The following NRXN1 variants were observed in gnomAD, a reference collection of about 807,000 sequenced individuals.
NRXN1 encodes neurexin 1.
A neutral mutation model predicts 150.9 loss-of-function variants in NRXN1; 39 were observed. The observed-to-expected ratio is 0.26, with a 90% confidence interval of 0.20 to 0.34. The LOEUF is 0.34. NRXN1 is among the 10% of genes least tolerant of loss of function. NRXN1 has a pLI of 1.00. For synonymous variants in NRXN1, 924 were observed against 757.0 expected (o/e 1.22, Z -3.62); for missense variants, 1,815 against 1,949.9 (o/e 0.93, Z 1.30).
chr2:50,708,534 T>G (rs1014351616), intron 5 of NRXN1, among the ~76,000 whole-genome samples: 1 of 152,134 alleles, frequency 6.6e-6, no homozygotes, highest in African/African-American at 2.4e-5. Flanking sequence ...AAAGGCAAGC[T>G]GCACAGTTTA....
chr2:50,143,583 C>T (rs929901412), intron 18 of NRXN1, among the ~76,000 whole-genome samples: 6 of 152,012 alleles, frequency 3.9e-5, no homozygotes, highest in South Asian at 2.1e-4. Context: ...AAATGTTCTA[C>T]AGCCAGATTA....
rs186353522 is a variant in NRXN1, at chr2:50,517,020, G to C, written c.2375-10403C>G. Reference sequence around the variant, plus strand: ...ATTTATTTTTTGACCCACACAGACTGTTGAGTTTTATCCTGGTTCTACAAG... The same window carrying C: ...ATTTATTTTTTGACCCACACAGACTCTTGAGTTTTATCCTGGTTCTACAAG... On this transcript the variant is annotated intron_variant, in intron 12 of 22. Coordinates refer to ENST00000401669, the MANE Select transcript of NRXN1 (RefSeq NM_001330078.2). 4.7e-4 allele frequency among the ~76,000 whole-genome samples: 72 copies of C among 152,282 alleles called. 1 individual carries two copies. The highest frequency in any genetic ancestry group is 1.6e-3 in the African/African-American group (65 of 41,572).
At chr2:50,966,191 A>G (rs1368979106) in intron 2 of NRXN1, among the ~76,000 whole-genome samples, 1 of 151,672 alleles carries the variant, frequency 6.6e-6, no homozygotes, top group Non-Finnish European at 1.5e-5. Context: ...TTATCTCTAA[A>G]GTACTTAGTA....
intron 5 of NRXN1, among the ~76,000 whole-genome samples, chr2:50,864,013 A>T (rs189839904): frequency 4.4e-4 from 67 of 152,104 alleles, no homozygotes; most frequent in Non-Finnish European, 2.2e-4. Context: ...GATAAGTCTT[A>T]ATGGTGTGTA....
At chr2:50,089,595 T>C (rs1028525943) in intron 19 of NRXN1, among the ~76,000 whole-genome samples, 65 of 152,206 alleles carry the variant, frequency 4.3e-4, no homozygotes, top group African/African-American at 1.5e-3. Flanking sequence ...AAGACCAGCC[T>C]GAGCAACATA....
chr2:50,258,676 T>C (rs1397114002), intron 17 of NRXN1, among the ~76,000 whole-genome samples: 1 of 151,908 alleles, frequency 6.6e-6, no homozygotes, highest in East Asian at 1.9e-4. Flanking sequence ...TTCCAGAAGG[T>C]TTTCAATGTA....
chr2:50,466,527 AT>A (rs1558780711), intron 16 of NRXN1: 1 of 461,102 alleles, frequency 2.2e-6, no homozygotes, highest in Non-Finnish European at 4.4e-6. Flanking sequence ...AATATATTAA[AT>A]GTTAGTAAGC....
intron 5 of NRXN1, among the ~76,000 whole-genome samples, chr2:50,790,681 G>A (rs1705814498): frequency 6.6e-6 from 1 of 152,162 alleles, no homozygotes. Context: ...AAATTCTTGG[G>A]ATAAGAAGTG....
At chr2:50,891,722 G>C (rs1035416472) in intron 5 of NRXN1, among the ~76,000 whole-genome samples, 3 of 152,040 alleles carry the variant, frequency 2.0e-5, no homozygotes, top group South Asian at 4.1e-4. Flanking sequence ...CTCAGATGAT[G>C]ATACAGTTTC....
intron 5 of NRXN1, among the ~76,000 whole-genome samples, chr2:50,807,480 C>A (rs1455086096): frequency 6.6e-6 from 1 of 152,136 alleles, no homozygotes; most frequent in Non-Finnish European, 1.5e-5. Flanking sequence ...AATCACTGGA[C>A]TGAATAATTT....
At position 50,220,223 on chromosome 2, in the gene NRXN1, T is replaced by C. The variant is rs1574566662; in HGVS notation, c.3546+16566A>G. 2.6e-5 allele frequency among the ~76,000 whole-genome samples: 4 copies of C among 151,088 alleles called. No homozygotes were observed. The South Asian group carries it at 6.3e-4, about 24-fold the overall frequency. ...TGAGGGAAACATATTATTTTCACTA[T>C]ACTGTGATGGAAGGAAATTAATTCT... On this transcript the variant is annotated intron_variant, in intron 18 of 22. Coordinates refer to ENST00000401669, the MANE Select transcript of NRXN1 (RefSeq NM_001330078.2).
chr2:50,173,581 G>A (rs77915829), intron 18 of NRXN1, among the ~76,000 whole-genome samples: 25,857 of 152,020 alleles, frequency 0.17, 2,684 homozygotes, highest in East Asian at 0.4. Context: ...ATAATTATTT[G>A]CCATGCCAAT....
Position 50,720,525 on chromosome 2 carries a change from T to C in NRXN1, c.833-96910A>G, listed in dbSNP as rs529437261. 6.6e-5 allele frequency among the ~76,000 whole-genome samples: 10 copies of C among 152,344 alleles called. No individual in the cohort carries two copies. The East Asian group carries it at 1.9e-3, about 29-fold the overall frequency. ...TATGGTAGCTAGGAAAAAAATGCAG[T>C]GCCTGAAACAGGTATTTGCATTCCT... On this transcript the variant is annotated intron_variant, in intron 5 of 22. Coordinates refer to ENST00000401669, the MANE Select transcript of NRXN1 (RefSeq NM_001330078.2).
intron 18 of NRXN1, among the ~76,000 whole-genome samples, chr2:50,157,990 A>C (rs1381260661): frequency 6.6e-6 from 1 of 151,106 alleles, no homozygotes; most frequent in Non-Finnish European, 1.5e-5. Flanking sequence ...GGAGAGAAAC[A>C]AGGAGGGCAA....
At chr2:50,356,934 G>T (rs906699849) in intron 17 of NRXN1, among the ~76,000 whole-genome samples, 1 of 151,984 alleles carries the variant, frequency 6.6e-6, no homozygotes, top group African/African-American at 2.4e-5. Flanking sequence ...CTAGACTTAA[G>T]ATTTTTTTTT....
intron 2 of NRXN1, among the ~76,000 whole-genome samples, chr2:50,944,677 G>T (rs946689162): frequency 3.9e-5 from 6 of 152,112 alleles, no homozygotes; most frequent in African/African-American, 1.4e-4. Flanking sequence ...AATGCCAATT[G>T]ATTTCCAAAA....
chr2:50,048,814 C>A (rs1692242305), intron 21 of NRXN1, among the ~76,000 whole-genome samples: 1 of 152,206 alleles, frequency 6.6e-6, no homozygotes, highest in African/African-American at 2.4e-5. Flanking sequence ...TGAAAAAATG[C>A]CTAACTGAAA....
At chr2:50,636,168 CAT>C (rs1471650783) in intron 5 of NRXN1, among the ~76,000 whole-genome samples, 1 of 152,104 alleles carries the variant, frequency 6.6e-6, no homozygotes, top group Non-Finnish European at 1.5e-5. Context: ...AAAAAAAATA[CAT>C]GTTTCTATTG....
intron 17 of NRXN1, among the ~76,000 whole-genome samples, chr2:50,392,989 A>T (rs2081829567): frequency 6.6e-6 from 1 of 152,036 alleles, no homozygotes; most frequent in Admixed American, 6.6e-5. Context: ...TAAAATTTGG[A>T]TGACATGGAA....
Sources: allele counts gnomAD v4.1 joint callset (sites outside exome capture counted in the v4.1 genomes callset), GRCh38; gene constraint gnomAD v4.1.1; transcripts MANE v1.5; gene names NCBI Gene and HGNC (gene_info 2026-07-23, HGNC 2026-07-21).